Variants in MIGA2 observed in about 807,000 individuals in gnomAD.
MIGA2 encodes the protein mitoguardin 2.
Under a neutral mutation model 69.9 loss-of-function variants are expected in MIGA2, and 36 were observed. The ratio of observed to expected loss-of-function variants is 0.52; its 90% CI spans 0.39 to 0.68. The LOEUF (loss-of-function observed/expected upper bound fraction) is 0.68, where lower values mean the gene tolerates loss of function less well. Among genes scored for constraint, MIGA2 ranks in the 30% least tolerant of loss-of-function variants. The probability of loss-of-function intolerance (pLI) is 0.00; values close to 1 mark genes in which losing one functional copy is unlikely to be tolerated. For synonymous variants in MIGA2, 333 were observed against 349.2 expected (o/e 0.95, Z 0.52); for missense variants, 660 against 787.7 (o/e 0.84, Z 1.94).
chr9:129,043,063 G>A (rs1228867087), intron 3 of MIGA2, among the ~76,000 whole-genome samples: 3 of 151,770 alleles, frequency 2.0e-5, no homozygotes, highest in Admixed American at 6.6e-5. Context: ...GCATGGTGAC[G>A]GGCACCTGTA....
rs1432428266 is a variant in MIGA2 at position 129,059,950 on chromosome 9, A to T, written c.794-600A>T. ...GCTCTGGGTGTGGTTTCTCTGTTGG[A>T]GGAATCTGCCTCCTCTGGCCTCCCT... is the stretch of plus-strand genomic sequence containing the variant. On this transcript the variant is annotated intron_variant, in intron 7 of 15. Transcript: ENST00000684074. The surrounding 1 kb of genome is among the most constrained non-coding windows in gnomAD (Gnocchi z 5.6). Among the ~76,000 whole-genome samples the T allele has an allele frequency of 2.0e-5, 3 of 152,076 alleles. No individual in the cohort carries two copies. The highest frequency in any genetic ancestry group is 4.4e-5 in the Non-Finnish European group (3 of 67,998).
Position 129,069,106 on chromosome 9 carries a change from A to G in MIGA2, c.1435A>G (p.Lys479Glu). The G allele has an allele frequency of 6.2e-7, 1 of 1,613,980 alleles. No homozygotes were observed. Among genetic ancestry groups the G allele is most frequent in the East Asian group, 2.2e-5 (1 of 44,872 alleles). ...ALATACWSVLKAKRRLLMVPD... is the reference protein window; with the variant it reads ...ALATACWSVLEAKRRLLMVPD... ...GGCCACTGCTTGCTGGTCGGTCCTG[A>G]AAGCCAAGAGGAGGCTGCTGATGGT... is the stretch of plus-strand genomic sequence containing the variant. Residue 479 changes from lysine (K) to glutamate (E), a missense_variant, in exon 14 of 16, where the codon AAA (lysine) becomes GAA (glutamate). Around this residue, in one of 3 missense-constraint regions of MIGA2, gnomAD observed 220 missense variants for 301.7 expected, o/e 0.73. Coordinates refer to ENST00000684074, the MANE Select transcript of MIGA2 (RefSeq NM_001329990.2). The surrounding 1 kb of genome is among the most constrained non-coding windows in gnomAD (Gnocchi z 4.9).
At chr9:129,052,763 A>G (rs1051006951) in intron 6 of MIGA2, among the ~76,000 whole-genome samples, 1 of 152,132 alleles carries the variant, frequency 6.6e-6, no homozygotes, top group African/African-American at 2.4e-5. Flanking sequence ...GCTGGTAACA[A>G]GTTGAAGGTG....
intron 1 of MIGA2, among the ~76,000 whole-genome samples, chr9:129,037,716 T>G (rs1844668299): frequency 6.6e-6 from 1 of 152,164 alleles, no homozygotes; most frequent in African/African-American, 2.4e-5. Context: ...CGTTTATTTG[T>G]TCAGGCTCAT....
intron 4 of MIGA2, among the ~76,000 whole-genome samples, chr9:129,049,056 T>C (rs1243411921): frequency 6.6e-6 from 1 of 152,180 alleles, no homozygotes; most frequent in Non-Finnish European, 1.5e-5. Flanking sequence ...CTCTGTCTTC[T>C]TGTTCAAGGG....
At position 129,061,495 on chromosome 9, in the gene MIGA2, C is replaced by A. The variant is rs1381838216; in HGVS notation, c.1010+149C>A. ...GAGGGCCGTGGTGAGCTGGTGACAG[C>A]TCCTCCCCCAGCTGCAGAGGGCCTG... On this transcript the variant is annotated intron_variant, in intron 9 of 15. Transcript: ENST00000684074. This position sits in a 1 kb window ranked among gnomAD's most constrained non-coding sequence, Gnocchi z 5.0. 10 of 667,808 alleles carry A rather than the reference C, an allele frequency of 1.5e-5. No individual in the cohort carries two copies. In the South Asian group the frequency reaches 1.7e-4, roughly 11 times the overall value. 41.4% of individuals were successfully genotyped at this position (667,808 alleles called of 1,614,324 possible). A position where few individuals can be genotyped will look rare whatever the true frequency, so the allele number is the denominator to read the frequency against.
intron 6 of MIGA2, among the ~76,000 whole-genome samples, chr9:129,056,481 C>G (rs1845802857): frequency 6.6e-6 from 1 of 151,500 alleles, no homozygotes. Flanking sequence ...TGGTGGCCAC[C>G]AGTAAGGGTA....
intron 11 of MIGA2, among the ~76,000 whole-genome samples, chr9:129,067,350 C>G (rs894922328): frequency 6.6e-5 from 10 of 152,220 alleles, no homozygotes; most frequent in African/African-American, 2.4e-4. Flanking sequence ...AATGCTTTGG[C>G]GCTGGACTGA....
Position 129,041,399 on chromosome 9 carries a change from C to T in MIGA2, c.96+709C>T, listed in dbSNP as rs548932218. 4.7e-4 allele frequency among the ~76,000 whole-genome samples: 70 copies of T among 150,152 alleles called. No homozygotes were observed. The South Asian group carries it at 0.01, about 22-fold the overall frequency. On this transcript the variant is annotated intron_variant, in intron 2 of 15. Coordinates refer to ENST00000684074, the MANE Select transcript of MIGA2 (RefSeq NM_001329990.2). ...ATCCCAGCTACTTGGGAGGCTGAGGCGGGAGGATCACTTGAACCCAGGAAG... is the reference window on the plus strand; with the variant it reads ...ATCCCAGCTACTTGGGAGGCTGAGGTGGGAGGATCACTTGAACCCAGGAAG...
rs1255063128 is a variant in MIGA2 at position 129,069,423 on chromosome 9, G to A, written c.1458+294G>A. 2.0e-6 allele frequency: 1 copy of A among 506,286 alleles called. No individual in the cohort carries two copies. Among genetic ancestry groups the A allele is most frequent in the Non-Finnish European group, 3.6e-6 (1 of 280,042 alleles). 31.4% of individuals were successfully genotyped at this position (506,286 alleles called of 1,614,324 possible). ...GGCCTGGTGCAGGCGTCTCGGTGGGGGCAGGATACCCAGGAGCAAGCAGAG... is the reference window on the plus strand; with the variant it reads ...GGCCTGGTGCAGGCGTCTCGGTGGGAGCAGGATACCCAGGAGCAAGCAGAG... On this transcript the variant is annotated intron_variant, in intron 14 of 15. Coordinates refer to ENST00000684074, the MANE Select transcript of MIGA2 (RefSeq NM_001329990.2). The surrounding 1 kb of genome is among the most constrained non-coding windows in gnomAD (Gnocchi z 4.9).
chr9:129,061,661 A>G lies in MIGA2; in HGVS notation c.1010+315A>G, dbSNP rs111406417. 2.3e-3 allele frequency among the ~76,000 whole-genome samples: 343 copies of G among 152,342 alleles called. 1 individual carries two copies. The highest frequency in any genetic ancestry group is 7.6e-3 in the African/African-American group (317 of 41,574). ...GCACATACACTGAAAAAAAAATTGG[A>G]ATGATACAGAGAAGATGAACGTGGT... On this transcript the variant is annotated intron_variant, in intron 9 of 15. Coordinates refer to ENST00000684074, the MANE Select transcript of MIGA2 (RefSeq NM_001329990.2). The surrounding 1 kb of genome is among the most constrained non-coding windows in gnomAD (Gnocchi z 5.0).
chr9:129,049,470 C>G lies in MIGA2; in HGVS notation c.510C>G (p.Asp170Glu). Residue 170 changes from aspartate to glutamate, a missense_variant, in exon 5 of 16, where the codon GAC becomes GAG. Asp to Glu is a conservative substitution (Grantham distance 45). This residue lies in a region of MIGA2 where 386 missense variants were observed against 402.0 expected (regional missense o/e 0.96). Coordinates refer to ENST00000684074, the MANE Select transcript of MIGA2 (RefSeq NM_001329990.2). ...TGGAGGAGTCTCTGACCACCAGCGA[C>G]GGCAATGCAGAGAGCCTGTACATGC... ...RGMEESLTTSDGNAESLYMQG... is the reference protein window; with the variant it reads ...RGMEESLTTSEGNAESLYMQG... The G allele has an allele frequency of 6.2e-7, 1 of 1,613,500 alleles. No homozygotes were observed. Among genetic ancestry groups the G allele is most frequent in the South Asian group, 1.1e-5 (1 of 90,828 alleles).
chr9:129,068,101 T>C lies in MIGA2; in HGVS notation c.1270-97T>C. 1 of 1,557,978 alleles carries C rather than the reference T, an allele frequency of 6.4e-7. No individual in the cohort carries two copies. Among genetic ancestry groups the C allele is most frequent in the African/African-American group, 1.4e-5 (1 of 73,954 alleles). ...GACGTGTCCCCCCCACGTGTGCTCA[T>C]GCCCTGGACCCCAGCTTCAGTCTCC... On this transcript the variant is annotated intron_variant, in intron 12 of 15. Transcript: ENST00000684074. The surrounding 1 kb of genome is among the most constrained non-coding windows in gnomAD (Gnocchi z 4.1).
intron 3 of MIGA2, among the ~76,000 whole-genome samples, chr9:129,042,733 G>A (rs1380289839): frequency 6.6e-6 from 1 of 152,132 alleles, no homozygotes; most frequent in Non-Finnish European, 1.5e-5. Context: ...GGTGGAGGTG[G>A]TTTTGGTTGT....
Position 129,059,801 on chromosome 9 carries a change from TGTGCACTCAACCCTGTGGGACC to T in MIGA2, c.793+531_793+552del, listed in dbSNP as rs112252955. ...AGTGAATGACACCCTGGCCCCTCCCTGTGCACTCAACCCTGTGGGACCCTCAGACTCCTGAGGGTCCAGCTGC... is the reference window on the plus strand; with the variant it reads ...AGTGAATGACACCCTGGCCCCTCCCTCTCAGACTCCTGAGGGTCCAGCTGC... On this transcript the variant is annotated intron_variant, in intron 7 of 15. Transcript: ENST00000684074. This position sits in a 1 kb window ranked among gnomAD's most constrained non-coding sequence, Gnocchi z 5.6. 6.6e-6 allele frequency among the ~76,000 whole-genome samples: 1 copy of T among 152,264 alleles called. No individual in the cohort carries two copies. The highest frequency in any genetic ancestry group is 2.4e-5 in the African/African-American group (1 of 41,572).
At position 129,061,090 on chromosome 9, in the gene MIGA2, C is replaced by T. The variant is rs776007056; in HGVS notation, c.895-141C>T. The T allele has an allele frequency of 7.3e-5, 52 of 714,378 alleles. No homozygotes were observed. Among genetic ancestry groups the T allele is most frequent in the Non-Finnish European group, 1.2e-4 (48 of 407,614 alleles). 44.3% of individuals were successfully genotyped at this position (714,378 alleles called of 1,614,324 possible). A position where few individuals can be genotyped will look rare whatever the true frequency, so the allele number is the denominator to read the frequency against. On this transcript the variant is annotated intron_variant, in intron 8 of 15. Coordinates refer to ENST00000684074, the MANE Select transcript of MIGA2 (RefSeq NM_001329990.2). The surrounding 1 kb of genome is among the most constrained non-coding windows in gnomAD (Gnocchi z 5.0). Reference sequence around the variant, plus strand: ...ACTGGAGCCTCCTGGCCAGTGTTCCCTCTGACATCCCCTCAGAGACGTTGG... The same window carrying T: ...ACTGGAGCCTCCTGGCCAGTGTTCCTTCTGACATCCCCTCAGAGACGTTGG...
In MIGA2 at chr9:129,059,113, G is replaced by A. The variant is rs191439797; in HGVS notation, c.676-41G>A. On this transcript the variant is annotated intron_variant, in intron 6 of 15. Coordinates refer to ENST00000684074, the MANE Select transcript of MIGA2 (RefSeq NM_001329990.2). The surrounding 1 kb of genome is among the most constrained non-coding windows in gnomAD (Gnocchi z 5.6). ...AGGGAAGGGGCCATTTTCATCGGGA[G>A]CTTTGAGGGTCTGGGTTGAGGGTCC... The A allele has an allele frequency of 2.1e-5, 33 of 1,581,686 alleles. No homozygotes were observed. The highest frequency in any genetic ancestry group is 8.4e-5 in the Admixed American group (5 of 59,700).
rs779285312 is a variant in MIGA2 at position 129,069,805 on chromosome 9, C to T, written c.1459-44C>T. ...GACACCTGGGCCTGGTGCCCTCATC[C>T]TACCTGGGCCCCGCCTGGCCCCTCA... is the stretch of plus-strand genomic sequence containing the variant. On this transcript the variant is annotated intron_variant, in intron 14 of 15. Transcript: ENST00000684074. This position sits in a 1 kb window ranked among gnomAD's most constrained non-coding sequence, Gnocchi z 4.9. 1.1e-5 allele frequency: 16 copies of T among 1,412,144 alleles called. No individual in the cohort carries two copies. The highest frequency in any genetic ancestry group is 1.7e-5 in the Admixed American group (1 of 59,792). The allele number at this position is 1,412,144 out of a possible 1,614,324, so 87.5% of individuals were successfully genotyped here. A position where few individuals can be genotyped will look rare whatever the true frequency, so the allele number is the denominator to read the frequency against.
At position 129,071,992 on chromosome 9, in the gene MIGA2, T is replaced by A. The variant is rs1452470280; in HGVS notation, c.*1539T>A. ...TGTTTACACATCCATGCACTGCCTG[T>A]AGCAGTCGATTGTCACAGCTTCGAC... On this transcript the variant is annotated 3_prime_UTR_variant, in exon 16 of 16. Transcript: ENST00000684074. The A allele has an allele frequency of 6.5e-6, 1 of 152,726 alleles. No individual in the cohort carries two copies. The highest frequency in any genetic ancestry group is 6.5e-5 in the Admixed American group (1 of 15,288). 9.5% of individuals were successfully genotyped at this position (152,726 alleles called of 1,614,324 possible). A position where few individuals can be genotyped will look rare whatever the true frequency, so the allele number is the denominator to read the frequency against.
Sources: gnomAD v4.1 joint callset for allele counts (sites outside exome capture counted in the v4.1 genomes callset) on GRCh38, gnomAD v4.1.1 for gene constraint, gnomAD v4.1.1 regional missense constraint, Gnocchi (gnomAD v3.1) non-coding constraint, MANE v1.5 for transcripts, NCBI Gene and HGNC (gene_info 2026-07-23, HGNC 2026-07-21) for gene names.